Variants in LIMA1 observed in about 807,000 individuals in gnomAD.
LIMA1 encodes the protein LIM domain and actin binding 1.
A neutral mutation model predicts 62.6 loss-of-function variants in LIMA1; 52 were observed. The observed-to-expected ratio is 0.83, with a 90% confidence interval of 0.67 to 1.05. The LOEUF (loss-of-function observed/expected upper bound fraction) is 1.05. LIMA1 is among the 50% of genes least tolerant of loss of function. The pLI is 0.00. For missense variants in LIMA1, 780 were observed against 902.2 expected (o/e 0.86, Z 1.74); for synonymous variants, 302 against 317.8 (o/e 0.95, Z 0.53).
chr12:50,208,083 C>G (rs1345102359), intron 4 of LIMA1, among the ~76,000 whole-genome samples: 1 of 152,098 alleles, frequency 6.6e-6, no homozygotes, highest in Non-Finnish European at 1.5e-5. Flanking sequence ...CACAGTGGCT[C>G]AAGCTTATAA....
At chr12:50,231,768 A>G (rs1478394832) in intron 2 of LIMA1, 58 bp from the exon 3 acceptor site, 2 of 1,528,860 alleles carry the variant, frequency 1.3e-6, no homozygotes, top group South Asian at 1.1e-5. Flanking sequence ...TACTCTTTCA[A>G]TTTTTTATCT....
intron 8 of LIMA1, among the ~76,000 whole-genome samples, chr12:50,193,088 T>C (rs1940816060): frequency 6.6e-6 from 1 of 152,186 alleles, no homozygotes; most frequent in East Asian, 1.9e-4. Context: ...ATGAAGATTA[T>C]GGAAAAGGGC....
chr12:50,229,465 T>C (rs1209430633), intron 3 of LIMA1, among the ~76,000 whole-genome samples: 1 of 152,114 alleles, frequency 6.6e-6, no homozygotes, highest in Non-Finnish European at 1.5e-5. Context: ...CACCGCATGT[T>C]CTTACTCACA....
At chr12:50,281,110 T>A (rs1216160310) in intron 1 of LIMA1, among the ~76,000 whole-genome samples, 1 of 152,202 alleles carries the variant, frequency 6.6e-6, no homozygotes, top group African/African-American at 2.4e-5. Context: ...GGTGCCCTAT[T>A]ATGCCAAAGA....
chr12:50,242,047 G>A (rs1191677835), intron 2 of LIMA1, among the ~76,000 whole-genome samples: 1 of 146,110 alleles, frequency 6.8e-6, no homozygotes, highest in African/African-American at 2.5e-5. Context: ...TGTGGGGCAG[G>A]CAGCTGATGG....
At chr12:50,237,200 C>G (rs1941708394) in intron 2 of LIMA1, among the ~76,000 whole-genome samples, 1 of 152,178 alleles carries the variant, frequency 6.6e-6, no homozygotes, top group Non-Finnish European at 1.5e-5. Context: ...AGACTGAGAA[C>G]AACCTGAATG....
chr12:50,263,945 C>T (rs1180173246), intron 1 of LIMA1, among the ~76,000 whole-genome samples: 3 of 146,270 alleles, frequency 2.1e-5, no homozygotes, highest in African/African-American at 7.7e-5. Flanking sequence ...AACACATGTC[C>T]ACACAGAACT....
chr12:50,247,880 C>A (rs1426561020), intron 2 of LIMA1, among the ~76,000 whole-genome samples: 1 of 152,020 alleles, frequency 6.6e-6, no homozygotes, highest in East Asian at 1.9e-4. Context: ...CCACCCACCT[C>A]GGCCTCCCAA....
intron 2 of LIMA1, among the ~76,000 whole-genome samples, chr12:50,244,160 G>A (rs1213667445): frequency 6.6e-6 from 1 of 151,566 alleles, no homozygotes; most frequent in Admixed American, 6.6e-5. Context: ...GTGCAGTGGC[G>A]TGATCTCGGC....
At chr12:50,268,531 T>G (rs1288839251) in intron 1 of LIMA1, among the ~76,000 whole-genome samples, 1 of 152,192 alleles carries the variant, frequency 6.6e-6, no homozygotes, top group Non-Finnish European at 1.5e-5. Context: ...ATATGCCAGG[T>G]GCTTTACATG....
intron 3 of LIMA1, 76 bp downstream of exon 3, chr12:50,231,589 A>G: frequency 7.5e-7 from 1 of 1,325,458 alleles, no homozygotes; most frequent in Non-Finnish European, 1.1e-6. Flanking sequence ...CCCAAGCCCC[A>G]CAGAGGCTGC....
chr12:50,200,997 C>T (rs2138469199), intron 6 of LIMA1, 113 bp from the exon 7 acceptor site: 11 of 1,467,796 alleles, frequency 7.5e-6, no homozygotes, highest in South Asian at 2.8e-5. Flanking sequence ...TAAGAAGCCT[C>T]GGGTCAAATC....
intron 9 of LIMA1, chr12:50,187,772 C>T (rs1940662721): frequency 6.6e-6 from 1 of 152,220 alleles, no homozygotes; most frequent in Non-Finnish European, 1.5e-5. Context: ...ATCAGCAAAA[C>T]GCTGTGAGGA....
At chr12:50,275,642 C>T (rs934148110) in intron 1 of LIMA1, among the ~76,000 whole-genome samples, 1 of 151,972 alleles carries the variant, frequency 6.6e-6, no homozygotes, top group Non-Finnish European at 1.5e-5. Flanking sequence ...GATTTGGGCT[C>T]TTAAGGAAAA....
Position 50,236,588 on chromosome 12 carries a change from C to T in LIMA1, c.120-4878G>A, listed in dbSNP as rs567369672. On this transcript the variant is annotated intron_variant, in intron 2 of 10. Coordinates refer to ENST00000341247, the MANE Select transcript of LIMA1 (RefSeq NM_016357.5). Reference sequence around the variant, plus strand: ...TGCTGGGATTACAGGCGTGAGCCACCGCACCCGGCCGGAAAAGATTTTCTT... The same window carrying T: ...TGCTGGGATTACAGGCGTGAGCCACTGCACCCGGCCGGAAAAGATTTTCTT... Among the ~76,000 whole-genome samples, 28 of 151,900 alleles carry T rather than the reference C, an allele frequency of 1.8e-4. 1 individual carries two copies. In the South Asian group the frequency reaches 5.5e-3, roughly 30 times the overall value.
At chr12:50,283,144 T>C (rs1413099976) in intron 1 of LIMA1, among the ~76,000 whole-genome samples, 2 of 151,964 alleles carry the variant, frequency 1.3e-5, no homozygotes, top group Non-Finnish European at 2.9e-5. Context: ...AAGTATACAG[T>C]TAGAATGCAG....
intron 4 of LIMA1, among the ~76,000 whole-genome samples, chr12:50,208,992 CTT>C (rs34753640): frequency 4.3e-4 from 58 of 136,178 alleles, no homozygotes; most frequent in Admixed American, 5.9e-4. Flanking sequence ...TTCTTTCTTT[CTT>C]TTTTTTTTTT....
chr12:50,199,570 A>C (rs978644513), intron 7 of LIMA1, among the ~76,000 whole-genome samples: 3 of 151,982 alleles, frequency 2.0e-5, no homozygotes, highest in African/African-American at 7.3e-5. Context: ...CACAGCACCT[A>C]TCATACATTT....
intron 9 of LIMA1, chr12:50,182,290 C>A: frequency 3.6e-5 from 7 of 195,812 alleles, no homozygotes; most frequent in South Asian, 2.6e-4. Flanking sequence ...GTCTGGATTA[C>A]AAAGAATGGC....
Sources: allele counts gnomAD v4.1 joint callset (sites outside exome capture counted in the v4.1 genomes callset), GRCh38; gene constraint gnomAD v4.1.1; transcripts MANE v1.5; gene names NCBI Gene and HGNC (gene_info 2026-07-23, HGNC 2026-07-21).